Variants in THSD7B observed in about 807,000 individuals in gnomAD.
The protein encoded by THSD7B is thrombospondin type-1 domain-containing protein 7B.
In THSD7B, 138 loss-of-function variants were observed where a neutral mutation model predicts 213.6. The observed-to-expected ratio is 0.65, with a 90% CI of 0.56 to 0.74. THSD7B has a LOEUF of 0.74. Ranked by LOEUF, THSD7B falls within the 30% of genes least tolerant of loss-of-function variation. The pLI is 0.00. For synonymous variants in THSD7B, 742 were observed against 687.0 expected (o/e 1.08, Z -1.25); for missense variants, 1,931 against 1,991.5 (o/e 0.97, Z 0.58).
chr2:136,955,424 T>C (rs1230887403), intron 2 of THSD7B, among the ~76,000 whole-genome samples: 2 of 152,198 alleles, frequency 1.3e-5, no homozygotes, highest in East Asian at 3.9e-4. Flanking sequence ...TAATCTACTC[T>C]GTATAGATTC....
chr2:136,803,134 T>C (rs1453734359), intron 1 of THSD7B, among the ~76,000 whole-genome samples: 2 of 151,962 alleles, frequency 1.3e-5, no homozygotes, highest in East Asian at 1.9e-4. Context: ...AAGTCATATT[T>C]CCTGGAATAT....
At chr2:136,817,825 T>G (rs1682500616) in intron 1 of THSD7B, among the ~76,000 whole-genome samples, 2 of 147,428 alleles carry the variant, frequency 1.4e-5, no homozygotes, top group Admixed American at 6.7e-5. Context: ...ATCAGAGAAA[T>G]GCAAATCAAA....
At chr2:136,879,672 T>G (rs1263248960) in intron 1 of THSD7B, among the ~76,000 whole-genome samples, 2 of 152,110 alleles carry the variant, frequency 1.3e-5, no homozygotes, top group Non-Finnish European at 1.5e-5. Flanking sequence ...TTATTCTCTT[T>G]GAAGCAATTT....
At chr2:137,334,906 G>A (rs1684604217) in intron 12 of THSD7B, among the ~76,000 whole-genome samples, 1 of 152,108 alleles carries the variant, frequency 6.6e-6, no homozygotes, top group African/African-American at 2.4e-5. Flanking sequence ...GAGTGAATCT[G>A]ATGAGATCTG....
intron 4 of THSD7B, among the ~76,000 whole-genome samples, chr2:137,096,204 T>C (rs1017752464): frequency 1.3e-5 from 2 of 152,210 alleles, no homozygotes; most frequent in African/African-American, 4.8e-5. Context: ...CTATTCAAGA[T>C]AGGCATTTTT....
intron 12 of THSD7B, among the ~76,000 whole-genome samples, chr2:137,280,909 A>G (rs1682992492): frequency 6.6e-6 from 1 of 152,112 alleles, no homozygotes; most frequent in Non-Finnish European, 1.5e-5. Flanking sequence ...TATCCACAGT[A>G]ACTATTTTAA....
intron 1 of THSD7B, among the ~76,000 whole-genome samples, chr2:136,831,624 C>T (rs753732440): frequency 6.6e-6 from 1 of 152,228 alleles, no homozygotes; most frequent in Non-Finnish European, 1.5e-5. Context: ...TGCCTAGTGA[C>T]ATAGACTTGT....
At chr2:137,166,465 T>C (rs1303707346) in intron 6 of THSD7B, among the ~76,000 whole-genome samples, 2 of 152,194 alleles carry the variant, frequency 1.3e-5, no homozygotes, top group Admixed American at 6.5e-5. Context: ...AATTGCCCAC[T>C]GAAGTTGTTC....
At chr2:137,408,077 A>G (rs1457526201) in intron 13 of THSD7B, among the ~76,000 whole-genome samples, 1 of 152,082 alleles carries the variant, frequency 6.6e-6, no homozygotes, top group Non-Finnish European at 1.5e-5. Context: ...GATTTTGATT[A>G]GTATATAATC....
At chr2:137,255,211 G>A (rs527894521) in intron 10 of THSD7B, among the ~76,000 whole-genome samples, 1 of 152,118 alleles carries the variant, frequency 6.6e-6, no homozygotes, top group Non-Finnish European at 1.5e-5. Context: ...CAAAATATCA[G>A]CTGCTTCTCA....
chr2:137,387,979 A>G (rs1301398261), intron 12 of THSD7B, among the ~76,000 whole-genome samples: 1 of 152,194 alleles, frequency 6.6e-6, no homozygotes, highest in African/African-American at 2.4e-5. Flanking sequence ...GTGTGTATAT[A>G]CGCACACACA....
intron 1 of THSD7B, among the ~76,000 whole-genome samples, chr2:136,788,948 A>C (rs1325637548): frequency 6.6e-6 from 1 of 152,124 alleles, no homozygotes; most frequent in African/African-American, 2.4e-5. Flanking sequence ...TGGGTAATCA[A>C]GGAACAGAGA....
intron 15 of THSD7B, among the ~76,000 whole-genome samples, chr2:137,549,153 C>G (rs1235926024): frequency 6.6e-6 from 1 of 151,980 alleles, no homozygotes; most frequent in Non-Finnish European, 1.5e-5. Flanking sequence ...TCCTAAATAG[C>G]ACTGCATACC....
At chr2:137,238,007 T>G (rs1440032637) in intron 9 of THSD7B, among the ~76,000 whole-genome samples, 1 of 152,174 alleles carries the variant, frequency 6.6e-6, no homozygotes, top group Admixed American at 6.5e-5. Context: ...ACTCTTTCTC[T>G]CTTTCAGACT....
At chr2:137,319,149 G>A (rs975116230) in intron 12 of THSD7B, among the ~76,000 whole-genome samples, 2 of 151,124 alleles carry the variant, frequency 1.3e-5, no homozygotes, top group African/African-American at 4.9e-5. Context: ...GAAGAAACAC[G>A]TGTTCCTATA....
intron 12 of THSD7B, among the ~76,000 whole-genome samples, chr2:137,384,217 C>T (rs373997447): frequency 3.9e-5 from 6 of 152,270 alleles, no homozygotes; most frequent in African/African-American, 1.4e-4. Context: ...TTAGGAGATA[C>T]CTCTGGACAC....
chr2:137,038,699 G>T (rs1470166249), intron 2 of THSD7B, among the ~76,000 whole-genome samples: 9 of 152,236 alleles, frequency 5.9e-5, no homozygotes, highest in African/African-American at 2.2e-4. Context: ...TGGCCTTGCA[G>T]AAAAGGGTCA....
chr2:137,126,074 C>A lies in THSD7B; in HGVS notation c.1369+10781C>A, dbSNP rs1245322428. Among the ~76,000 whole-genome samples, 3 of 152,084 alleles carry A rather than the reference C, an allele frequency of 2.0e-5. No homozygotes were observed. In the East Asian group the frequency reaches 5.8e-4, roughly 29 times the overall value. ...TTTATAGAGCACAAGAAAAATAGAG[C>A]TAGCATAATTCTTAAGGATCCTAGG... On this transcript the variant is annotated intron_variant, in intron 5 of 27. Transcript: ENST00000409968.
At chr2:137,022,761 T>C (rs149315441) in intron 2 of THSD7B, among the ~76,000 whole-genome samples, 2,289 of 152,254 alleles carry the variant, frequency 0.015, 23 homozygotes, top group Middle Eastern at 0.041. Context: ...ATGGAGAGCC[T>C]TGTTTTATTT....
Sources: allele counts gnomAD v4.1 joint callset (sites outside exome capture counted in the v4.1 genomes callset), GRCh38; gene constraint gnomAD v4.1.1; transcripts MANE v1.5; gene names NCBI Gene and HGNC (gene_info 2026-07-23, HGNC 2026-07-21).